The following IQSEC3 variants were observed in gnomAD, a reference collection of about 807,000 sequenced individuals.
IQSEC3 encodes the protein IQ motif and SEC7 domain-containing protein 3.
Under a neutral mutation model 105.4 loss-of-function variants are expected in IQSEC3, and 50 were observed. That is an observed-to-expected ratio of 0.47 (90% CI 0.38 to 0.60). IQSEC3 has a LOEUF of 0.60. IQSEC3 is among the 20% of genes least tolerant of loss of function. The pLI is 0.00. For missense variants in IQSEC3, 1,415 were observed against 1,630.0 expected (o/e 0.87, Z 2.27); for synonymous variants, 708 against 746.0 (o/e 0.95, Z 0.83).
chr12:155,108 G>T (rs1314479140), intron 5 of IQSEC3, among the ~76,000 whole-genome samples: 1 of 152,250 alleles, frequency 6.6e-6, no homozygotes. Context: ...GGAACACACG[G>T]ATGTGGCCGC....
intron 2 of IQSEC3, among the ~76,000 whole-genome samples, chr12:105,920 C>G (rs1864632616): frequency 6.6e-6 from 1 of 152,216 alleles, no homozygotes; most frequent in Non-Finnish European, 1.5e-5. Context: ...CTTGGGAAAC[C>G]TGTTGGTGCT....
At chr12:171,594 T>A in intron 13 of IQSEC3, 1 of 561,138 alleles carries the variant, frequency 1.8e-6, no homozygotes, top group South Asian at 2.3e-5. Flanking sequence ...CTGGGCTCCC[T>A]CGGAGAATTA....
chr12:78,078 G>A (rs1357803178), intron 1 of IQSEC3, among the ~76,000 whole-genome samples: 1 of 151,350 alleles, frequency 6.6e-6, no homozygotes, highest in African/African-American at 2.4e-5. Context: ...GAAGGCGGCT[G>A]CTGAGTCACC....
chr12:165,758 C>T lies in IQSEC3; in HGVS notation c.2839C>T (p.Pro947Ser). Residue 947 changes from proline (P) to serine (S), a missense_variant, in exon 11 of 14, where the codon CCG (proline) becomes TCG (serine). Transcript: ENST00000538872. ...CTCTCATGGCATCACACTGGTGACC[C>T]CGCTCTCGGGCTCCGAGAAGAAGCA... Reference protein sequence around the residue: ...YYSHGITLVTPLSGSEKKQVL... With the variant: ...YYSHGITLVTSLSGSEKKQVL... 6.2e-7 allele frequency: 1 copy of T among 1,613,918 alleles called. No homozygotes were observed. The highest frequency in any genetic ancestry group is 8.5e-7 in the Non-Finnish European group (1 of 1,180,032).
chr12:104,427 A>G (rs1188392891), intron 2 of IQSEC3, among the ~76,000 whole-genome samples: 1 of 152,264 alleles, frequency 6.6e-6, no homozygotes, highest in Non-Finnish European at 1.5e-5. Flanking sequence ...TGTGGAAAAT[A>G]CAAAATATAA....
chr12:127,457 A>G (rs1489268237), intron 3 of IQSEC3, among the ~76,000 whole-genome samples: 2 of 152,192 alleles, frequency 1.3e-5, no homozygotes, highest in East Asian at 3.8e-4. Context: ...CGGAGGTTGC[A>G]GTGAGCCAAG....
chr12:98,858 G>A (rs1591649741), intron 1 of IQSEC3, among the ~76,000 whole-genome samples: 1 of 152,208 alleles, frequency 6.6e-6, no homozygotes, highest in Non-Finnish European at 1.5e-5. Flanking sequence ...GCTGCGGGGA[G>A]GGCGTGCAGA....
intron 1 of IQSEC3, among the ~76,000 whole-genome samples, chr12:72,207 A>T (rs1863345955): frequency 6.6e-6 from 1 of 152,184 alleles, no homozygotes; most frequent in Admixed American, 6.5e-5. Flanking sequence ...AACCAAGCAA[A>T]GGAAACAACA....
chr12:151,259 C>T (rs868994076), intron 5 of IQSEC3, among the ~76,000 whole-genome samples: 12 of 146,108 alleles, frequency 8.2e-5, no homozygotes, highest in Non-Finnish European at 1.4e-4. Context: ...GATGGAGACT[C>T]CGTCTCTCCT....
chr12:74,953 T>A (rs1462247591), intron 1 of IQSEC3, among the ~76,000 whole-genome samples: 4 of 152,256 alleles, frequency 2.6e-5, no homozygotes, highest in Non-Finnish European at 5.9e-5. Context: ...AAAGAGCCCA[T>A]CAGGGCTGCT....
At position 125,799 on chromosome 12, in the gene IQSEC3, C is replaced by T. The variant is rs1865373323; in HGVS notation, c.790C>T (p.Pro264Ser). The change falls in exon 3 of 14, where the codon CCC becomes TCC. Residue 264 changes from proline to serine, a missense_variant. Physicochemically the swap from Pro to Ser is moderately conservative, Grantham distance 74 (BLOSUM62 -1). Around this residue, in one of 6 missense-constraint regions of IQSEC3, gnomAD observed 720 missense variants for 633.0 expected, o/e 1.14. Transcript: ENST00000538872. ...GAGAASPRAG[P>S]QHKASPGRQQ... ...AGGGGCTGCCTCCCCAAGGGCTGGC[C>T]CCCAGCACAAGGCCTCCCCCGGCCG... The T allele has an allele frequency of 6.6e-7, 1 of 1,524,312 alleles. No homozygotes were observed. Among genetic ancestry groups the T allele is most frequent in the African/African-American group, 1.4e-5 (1 of 72,202 alleles). The allele number at this position is 1,524,312 out of a possible 1,614,324, so 94.4% of individuals were successfully genotyped here. A position where few individuals can be genotyped will look rare whatever the true frequency, so the allele number is the denominator to read the frequency against.
chr12:110,641 A>G (rs1864850469), intron 2 of IQSEC3, among the ~76,000 whole-genome samples: 1 of 151,920 alleles, frequency 6.6e-6, no homozygotes, highest in Non-Finnish European at 1.5e-5. Context: ...CCTTATAATC[A>G]TTCCCCTCTC....
chr12:160,917 G>A (rs1357687992), intron 7 of IQSEC3, among the ~76,000 whole-genome samples: 3 of 152,126 alleles, frequency 2.0e-5, no homozygotes, highest in Admixed American at 6.5e-5. Context: ...CCTTTCTCCC[G>A]AGTATTCAGA....
At chr12:122,773 C>T (rs993244962) in intron 2 of IQSEC3, among the ~76,000 whole-genome samples, 3 of 152,160 alleles carry the variant, frequency 2.0e-5, no homozygotes, top group African/African-American at 4.8e-5. Context: ...CAAGGGACGT[C>T]GGCACCCAGC....
At chr12:78,016 G>C (rs1447650894) in intron 1 of IQSEC3, among the ~76,000 whole-genome samples, 1 of 151,232 alleles carries the variant, frequency 6.6e-6, no homozygotes, top group African/African-American at 2.4e-5. Context: ...GCACCCCGGC[G>C]CGGGGAAGCC....
intron 13 of IQSEC3, among the ~76,000 whole-genome samples, chr12:172,116 G>T (rs1939034077): frequency 6.6e-6 from 1 of 152,118 alleles, no homozygotes; most frequent in South Asian, 2.1e-4. Context: ...CGACCCGGAG[G>T]GGCCCCCATT....
intron 4 of IQSEC3, 83 bp from the exon 5 acceptor site, chr12:141,041 T>G: frequency 7.1e-7 from 1 of 1,404,816 alleles, no homozygotes; most frequent in Non-Finnish European, 9.8e-7. Context: ...CTCTGGGTAC[T>G]TCTATGGGTG....
intron 1 of IQSEC3, among the ~76,000 whole-genome samples, chr12:71,609 A>G (rs1863321412): frequency 1.3e-5 from 2 of 152,282 alleles, no homozygotes; most frequent in Non-Finnish European, 1.5e-5. Flanking sequence ...AGAAAATTCA[A>G]TCTATGGAGA....
intron 2 of IQSEC3, among the ~76,000 whole-genome samples, chr12:105,710 CAG>C (rs1486642679): frequency 1.3e-5 from 2 of 152,160 alleles, no homozygotes; most frequent in Admixed American, 1.3e-4. Flanking sequence ...TAAAATATCC[CAG>C]AGAGTATTAG....
Sources: allele counts gnomAD v4.1 joint callset (sites outside exome capture counted in the v4.1 genomes callset), GRCh38; gene constraint gnomAD v4.1.1; regional missense constraint gnomAD v4.1.1; transcripts MANE v1.5; gene names NCBI Gene and HGNC (gene_info 2026-07-23, HGNC 2026-07-21).